The following CDH13 variants were observed in gnomAD, a reference collection of about 807,000 sequenced individuals.
The protein encoded by CDH13 is cadherin 13.
Under a neutral mutation model 63.8 loss-of-function variants are expected in CDH13, and 24 were observed. The ratio of observed to expected loss-of-function variants is 0.38; its 90% confidence interval spans 0.27 to 0.53. The LOEUF is 0.53. Ranked by LOEUF, CDH13 falls within the 20% of genes least tolerant of loss-of-function variation. The pLI is 0.85. For missense variants in CDH13, 1,049 were observed against 903.1 expected (o/e 1.16, Z -2.07); for synonymous variants, 503 against 355.3 (o/e 1.42, Z -4.67).
chr16:83,227,775 G>A (rs1417364956), intron 5 of CDH13, among the ~76,000 whole-genome samples: 1 of 152,158 alleles, frequency 6.6e-6, no homozygotes, highest in African/African-American at 2.4e-5. Context: ...TCCACGCCAG[G>A]CAGTGCAGAC....
intron 3 of CDH13, among the ~76,000 whole-genome samples, chr16:83,106,897 T>C: frequency 8.1e-6 from 1 of 124,122 alleles, no homozygotes; most frequent in South Asian, 2.3e-4. Context: ...ATGTGGATGA[T>C]TTTTTTTTTA....
rs537631078 is a variant in CDH13 at position 83,123,440 on chromosome 16, C to T, written c.367-1945C>T. ...GATTACAGGCATGCACCACCATGCC[C>T]GGCTAATTTTGTATTTTTAGTAGAG... On this transcript the variant is annotated intron_variant, in intron 3 of 13. Coordinates refer to ENST00000567109, the MANE Select transcript of CDH13 (RefSeq NM_001257.5). Among the ~76,000 whole-genome samples, 8 of 151,896 alleles carry T rather than the reference C, an allele frequency of 5.3e-5. No homozygotes were observed. In the East Asian group the frequency reaches 5.8e-4, roughly 11 times the overall value.
intron 1 of CDH13, among the ~76,000 whole-genome samples, chr16:82,839,183 C>A (rs986304241): frequency 1.3e-5 from 2 of 152,182 alleles, no homozygotes; most frequent in African/African-American, 2.4e-5. Flanking sequence ...TTGCAGGCTG[C>A]TCTGTCCTTC....
chr16:82,976,850 T>A (rs1176139930), intron 2 of CDH13, among the ~76,000 whole-genome samples: 1 of 152,136 alleles, frequency 6.6e-6, no homozygotes, highest in African/African-American at 2.4e-5. Flanking sequence ...TTTCTGTTGC[T>A]CAGGCCGGGC....
intron 1 of CDH13, among the ~76,000 whole-genome samples, chr16:82,759,910 T>G (rs2034768223): frequency 6.6e-6 from 1 of 152,156 alleles, no homozygotes; most frequent in Non-Finnish European, 1.5e-5. Flanking sequence ...CAATCCACAT[T>G]TTTTAAAGGG....
At chr16:83,196,852 T>C (rs545417748) in intron 4 of CDH13, among the ~76,000 whole-genome samples, 2 of 152,146 alleles carry the variant, frequency 1.3e-5, no homozygotes, top group South Asian at 4.2e-4. Flanking sequence ...AAATGTAGAG[T>C]GGTACAGCCA....
chr16:82,758,610 G>C (rs1476091609), intron 1 of CDH13, among the ~76,000 whole-genome samples: 2 of 152,212 alleles, frequency 1.3e-5, no homozygotes, highest in Admixed American at 6.5e-5. Flanking sequence ...GCAGCCTCTA[G>C]AGGAGAGGTC....
At chr16:82,683,920 C>G (rs1482207416) in intron 1 of CDH13, among the ~76,000 whole-genome samples, 1 of 152,178 alleles carries the variant, frequency 6.6e-6, no homozygotes, top group Non-Finnish European at 1.5e-5. Flanking sequence ...TATTCTTTTA[C>G]AGAACTAATA....
intron 12 of CDH13, among the ~76,000 whole-genome samples, chr16:83,782,971 C>T (rs62045378): frequency 5.9e-5 from 9 of 152,158 alleles, no homozygotes; most frequent in African/African-American, 2.2e-4. Context: ...ATTATAATCG[C>T]GCCGAGGCAC....
intron 3 of CDH13, among the ~76,000 whole-genome samples, chr16:83,055,186 A>G (rs185717729): frequency 6.6e-6 from 1 of 152,240 alleles, no homozygotes; most frequent in East Asian, 1.9e-4. Context: ...CAGATAAAGT[A>G]GAGGAAAGAT....
At chr16:82,980,591 C>G (rs776164177) in intron 2 of CDH13, among the ~76,000 whole-genome samples, 1 of 152,202 alleles carries the variant, frequency 6.6e-6, no homozygotes, top group South Asian at 2.1e-4. Context: ...AGTCAAACAT[C>G]TCTTTCAATC....
chr16:83,526,270 G>T (rs2151626436), intron 7 of CDH13, among the ~76,000 whole-genome samples: 1 of 152,208 alleles, frequency 6.6e-6, no homozygotes, highest in Middle Eastern at 3.4e-3. Flanking sequence ...TCTGAAAAGT[G>T]CCAGCTCTCA....
At chr16:83,778,743 C>G (rs1252606552) in intron 11 of CDH13, among the ~76,000 whole-genome samples, 9 of 152,160 alleles carry the variant, frequency 5.9e-5, no homozygotes. Context: ...ACCCAGCTTT[C>G]TAAATCTGTC....
intron 1 of CDH13, among the ~76,000 whole-genome samples, chr16:82,794,244 C>T (rs534945089): frequency 6.0e-4 from 90 of 149,262 alleles, no homozygotes; most frequent in African/African-American, 2.1e-3. Context: ...AAAGATCATT[C>T]TTCTTCTTCC....
intron 5 of CDH13, among the ~76,000 whole-genome samples, chr16:83,324,052 T>G (rs2090302229): frequency 6.6e-6 from 1 of 151,736 alleles, no homozygotes; most frequent in Admixed American, 6.6e-5. Context: ...TTTTTTTTTT[T>G]TTTGAGGTGG....
intron 10 of CDH13, among the ~76,000 whole-genome samples, chr16:83,696,077 G>A (rs1343468671): frequency 6.6e-6 from 1 of 151,886 alleles, no homozygotes; most frequent in East Asian, 1.9e-4. Flanking sequence ...TGTTTGTAGA[G>A]ATGGGGTTTC....
At chr16:83,106,390 A>T (rs571682252) in intron 3 of CDH13, among the ~76,000 whole-genome samples, 10 of 152,274 alleles carry the variant, frequency 6.6e-5, no homozygotes, top group African/African-American at 2.4e-4. Context: ...ATACAAAAAA[A>T]ATTAGCTGGG....
chr16:83,030,802 T>C (rs1022612404), intron 2 of CDH13, among the ~76,000 whole-genome samples: 1 of 151,856 alleles, frequency 6.6e-6, no homozygotes, highest in Non-Finnish European at 1.5e-5. Context: ...CTTACTGGCT[T>C]TTCCCAACTT....
chr16:83,267,699 G>A (rs1347289656), intron 5 of CDH13, among the ~76,000 whole-genome samples: 1 of 152,182 alleles, frequency 6.6e-6, no homozygotes, highest in African/African-American at 2.4e-5. Flanking sequence ...TTACGATGGA[G>A]CAAGGAGGCC....
Sources: gnomAD v4.1 joint callset for allele counts (sites outside exome capture counted in the v4.1 genomes callset) on GRCh38, gnomAD v4.1.1 for gene constraint, MANE v1.5 for transcripts, NCBI Gene and HGNC (gene_info 2026-07-23, HGNC 2026-07-21) for gene names.